Variants in ZC3H12B observed in about 807,000 individuals in gnomAD.
The protein encoded by ZC3H12B is zinc finger CCCH-type containing 12B, also known as probable ribonuclease ZC3H12B.
Under a neutral mutation model 43.9 loss-of-function variants are expected in ZC3H12B, and 7 were observed. The observed-to-expected ratio is 0.16, with a 90% CI of 0.09 to 0.30. ZC3H12B has a LOEUF of 0.30. Among genes scored for constraint, ZC3H12B ranks in the 10% least tolerant of loss-of-function variants. The probability of loss-of-function intolerance (pLI) is 1.00; values close to 1 mark genes in which losing one functional copy is unlikely to be tolerated. For missense variants in ZC3H12B, 475 were observed against 670.2 expected (o/e 0.71, Z 3.22); for synonymous variants, 222 against 241.7 (o/e 0.92, Z 0.76).
exon 5 of ZC3H12B, chrX:65,503,221 A>G: frequency 5.3e-6 from 6 of 1,123,394 alleles, no homozygotes; most frequent in Non-Finnish European, 7.1e-6. Flanking sequence ...ATGACATAGT[A>G]CTTATTTCTT....
the ZC3H12B span, among the ~76,000 whole-genome samples, chrX:65,149,065 C>T: frequency 3.6e-4 from 40 of 111,408 alleles, no homozygotes; most frequent in Admixed American, 3.8e-3. Context: ...TTGGTTAGGA[C>T]TTGTGAAGGA....
the ZC3H12B span, among the ~76,000 whole-genome samples, chrX:65,104,169 A>C: frequency 2.7e-5 from 3 of 112,062 alleles, no homozygotes; most frequent in African/African-American, 9.7e-5. Context: ...GAAATGAGGA[A>C]CTGATTTCCT....
At chrX:65,448,153 T>C (rs1487000926) in intron 3 of ZC3H12B, among the ~76,000 whole-genome samples, 1 of 110,503 alleles carries the variant, frequency 9.0e-6, no homozygotes, top group Non-Finnish European at 1.9e-5. Flanking sequence ...GAGAATGGCG[T>C]GAACCCAGGA....
At chrX:65,223,147 A>G in the ZC3H12B span, among the ~76,000 whole-genome samples, 1 of 111,876 alleles carries the variant, frequency 8.9e-6, no homozygotes, top group Non-Finnish European at 1.9e-5. Flanking sequence ...AGGACACCCT[A>G]TTCAACAAAT....
At chrX:65,167,670 C>T in the ZC3H12B span, among the ~76,000 whole-genome samples, 3 of 111,737 alleles carry the variant, frequency 2.7e-5, no homozygotes, top group Non-Finnish European at 5.7e-5. Context: ...TCTTACTATC[C>T]ATGAGCATGG....
chrX:65,357,065 C>G, the ZC3H12B span: 1 of 580,324 alleles, frequency 1.7e-6, no homozygotes, highest in East Asian at 3.5e-5. Flanking sequence ...CCTTGAAAAT[C>G]AAAGAGAGGG....
At chrX:65,459,550 A>G (rs1322820135) in intron 3 of ZC3H12B, among the ~76,000 whole-genome samples, 2 of 112,039 alleles carry the variant, frequency 1.8e-5, no homozygotes, top group African/African-American at 6.5e-5. Flanking sequence ...AGGCTGGTTC[A>G]ACATATGCAA....
chrX:65,465,775 C>T (rs1427237551), intron 3 of ZC3H12B, among the ~76,000 whole-genome samples: 1 of 110,320 alleles, frequency 9.1e-6, no homozygotes, highest in Non-Finnish European at 1.9e-5. Flanking sequence ...GAGTTATTTT[C>T]ATAGAGATTA....
At chrX:65,317,732 AGTAT>A in the ZC3H12B span, among the ~76,000 whole-genome samples, 1 of 104,595 alleles carries the variant, frequency 9.6e-6, no homozygotes, top group Non-Finnish European at 2.0e-5. Context: ...ATAGTTGAGT[AGTAT>A]CCTATTTTGT....
intron 2 of ZC3H12B, among the ~76,000 whole-genome samples, chrX:65,370,293 A>T (rs1232237093): frequency 1.8e-5 from 2 of 111,044 alleles, no homozygotes; most frequent in Non-Finnish European, 3.8e-5. Flanking sequence ...AGATCCCTTC[A>T]TTTGAGGTCA....
chrX:65,125,223 C>T, the ZC3H12B span, among the ~76,000 whole-genome samples: 1 of 111,478 alleles, frequency 9.0e-6, no homozygotes, highest in Admixed American at 9.5e-5. Flanking sequence ...AAATTTTTGT[C>T]TTGATTTCAT....
intron 1 of ZC3H12B, among the ~76,000 whole-genome samples, chrX:65,489,881 G>T (rs2068180043): frequency 9.0e-6 from 1 of 111,721 alleles, no homozygotes; most frequent in Non-Finnish European, 1.9e-5. Flanking sequence ...CATGCTTACT[G>T]CATTTACATC....
At chrX:65,188,699 T>A in the ZC3H12B span, among the ~76,000 whole-genome samples, 3 of 111,413 alleles carry the variant, frequency 2.7e-5, no homozygotes, top group African/African-American at 9.8e-5. Context: ...CTTGGTTTCT[T>A]TTTTAGATTG....
the ZC3H12B span, among the ~76,000 whole-genome samples, chrX:65,165,113 G>A: frequency 1.8e-5 from 2 of 111,305 alleles, no homozygotes; most frequent in African/African-American, 3.3e-5. Flanking sequence ...AAATAAAAAG[G>A]AGAAAATCAA....
chrX:65,211,440 G>T, the ZC3H12B span, among the ~76,000 whole-genome samples: 1 of 107,311 alleles, frequency 9.3e-6, no homozygotes, highest in Non-Finnish European at 1.9e-5. Flanking sequence ...TATGTTCTAG[G>T]CACCATGCTA....
chrX:65,358,499 C>A, the ZC3H12B span, among the ~76,000 whole-genome samples: 1 of 111,800 alleles, frequency 8.9e-6, no homozygotes, highest in African/African-American at 3.3e-5. Context: ...GACCACAGTG[C>A]AATCAAATCA....
the ZC3H12B span, among the ~76,000 whole-genome samples, chrX:65,111,467 C>T: frequency 9.0e-6 from 1 of 110,832 alleles, no homozygotes; most frequent in East Asian, 2.8e-4. Flanking sequence ...TTTTTCTGCA[C>T]TGAAGGATAT....
At chrX:65,122,533 A>T in the ZC3H12B span, among the ~76,000 whole-genome samples, 4 of 111,460 alleles carry the variant, frequency 3.6e-5, no homozygotes, top group Admixed American at 2.9e-4. Flanking sequence ...CACACATAAC[A>T]TTATTAACCT....
At chrX:65,286,732 T>A in the ZC3H12B span, among the ~76,000 whole-genome samples, 87 of 110,187 alleles carry the variant, frequency 7.9e-4, no homozygotes, top group East Asian at 2.6e-3. Context: ...GGTGTATATA[T>A]GTATAAAATA....
Sources: gnomAD v4.1 joint callset for allele counts (sites outside exome capture counted in the v4.1 genomes callset) on GRCh38, gnomAD v4.1.1 for gene constraint, MANE v1.5 for transcripts, NCBI Gene and HGNC (gene_info 2026-07-23, HGNC 2026-07-21) for gene names.